The following ROBO1 variants were observed in gnomAD, a reference collection of about 807,000 sequenced individuals.
ROBO1 encodes roundabout homolog 1.
Under a neutral mutation model 195.9 loss-of-function variants are expected in ROBO1, and 149 were observed. The observed-to-expected ratio is 0.76, with a 90% CI of 0.67 to 0.87. ROBO1 has a LOEUF of 0.87. Ranked by LOEUF, ROBO1 falls within the 40% of genes least tolerant of loss-of-function variation. The probability of loss-of-function intolerance (pLI) is 0.00; values close to 1 mark genes in which losing one functional copy is unlikely to be tolerated. For synonymous variants in ROBO1, 816 were observed against 733.2 expected (o/e 1.11, Z -1.82); for missense variants, 1,933 against 2,068.3 (o/e 0.93, Z 1.27).
intron 1 of ROBO1, among the ~76,000 whole-genome samples, chr3:79,749,170 T>A (rs1421275124): frequency 1.3e-5 from 2 of 151,884 alleles, no homozygotes; most frequent in Admixed American, 6.6e-5. Context: ...GAAACTGGAG[T>A]AAGGGTGAAT....
intron 2 of ROBO1, among the ~76,000 whole-genome samples, chr3:79,355,980 A>G (rs1395556867): frequency 6.6e-6 from 1 of 152,328 alleles, no homozygotes; most frequent in East Asian, 1.9e-4. Flanking sequence ...CTTTTTGAGA[A>G]AAGTAGTTCA....
In ROBO1 at chr3:78,599,011, T is replaced by TATA. The variant is rs1247018255; in HGVS notation, c.4942-87_4942-85dup. 1.1e-5 allele frequency: 8 copies of TATA among 746,658 alleles called. No homozygotes were observed. In the Admixed American group the frequency reaches 1.9e-4, roughly 18 times the overall value. The allele number at this position is 746,658 out of a possible 1,614,324, so 46.3% of individuals were successfully genotyped here. On this transcript the variant is annotated intron_variant, in intron 30 of 30. Transcript: ENST00000464233. ...TTTATTTATATGCATTTATTATTAT[T>TATA]ATAATTTAATGTGTCTTTTCATTTA...
intron 2 of ROBO1, among the ~76,000 whole-genome samples, chr3:79,208,270 T>A (rs1467734422): frequency 1.3e-5 from 2 of 152,214 alleles, no homozygotes; most frequent in South Asian, 2.1e-4. Context: ...AAATGCCTGG[T>A]AGACCTCATT....
intron 1 of ROBO1, among the ~76,000 whole-genome samples, chr3:79,658,936 C>T (rs1946249264): frequency 6.6e-6 from 1 of 151,892 alleles, no homozygotes; most frequent in African/African-American, 2.4e-5. Flanking sequence ...GGGGTTTCAC[C>T]ATGTTGGCCA....
intron 8 of ROBO1, among the ~76,000 whole-genome samples, chr3:78,697,251 G>A (rs1385679509): frequency 1.4e-5 from 2 of 140,052 alleles, no homozygotes; most frequent in Non-Finnish European, 3.1e-5. Flanking sequence ...AGGAAGGAAG[G>A]AAATAAAGGA....
intron 4 of ROBO1, among the ~76,000 whole-genome samples, chr3:78,859,878 G>A (rs542808293): frequency 3.3e-3 from 500 of 152,094 alleles, no homozygotes; most frequent in South Asian, 7.1e-3. Flanking sequence ...CAGGAGATCA[G>A]GACCATCCTG....
At chr3:78,679,005 G>T (rs1341929464) in intron 10 of ROBO1, among the ~76,000 whole-genome samples, 12 of 152,188 alleles carry the variant, frequency 7.9e-5, no homozygotes, top group Non-Finnish European at 2.9e-5. Flanking sequence ...TCCCTGGGAT[G>T]CAAGGCTGGT....
intron 1 of ROBO1, among the ~76,000 whole-genome samples, chr3:79,622,433 C>T (rs1945036880): frequency 1.3e-5 from 2 of 152,204 alleles, no homozygotes; most frequent in Non-Finnish European, 2.9e-5. Context: ...ATACACTGAG[C>T]TCCCTGGTCA....
intron 2 of ROBO1, among the ~76,000 whole-genome samples, chr3:79,580,884 TAGTC>T (rs1464623481): frequency 6.6e-6 from 1 of 152,178 alleles, no homozygotes; most frequent in African/African-American, 2.4e-5. Flanking sequence ...CTCATTTTAA[TAGTC>T]AAGAATACTC....
At chr3:78,726,891 TAACAAC>T (rs200244955) in intron 5 of ROBO1, among the ~76,000 whole-genome samples, 1 of 151,992 alleles carries the variant, frequency 6.6e-6, no homozygotes, top group Non-Finnish European at 1.5e-5. Flanking sequence ...ATCAAATTAG[TAACAAC>T]AACAACAACA....
rs543783640 is a variant in ROBO1, at chr3:78,650,901, A to G, written c.2812+831T>C. 3.1e-4 allele frequency among the ~76,000 whole-genome samples: 47 copies of G among 152,268 alleles called. No individual in the cohort carries two copies. In the South Asian group the frequency reaches 5.2e-3, roughly 17 times the overall value. On this transcript the variant is annotated intron_variant, in intron 19 of 30. Coordinates refer to ENST00000464233, the MANE Select transcript of ROBO1 (RefSeq NM_002941.4). ...GACTTACAACCATCTAACCTAATCT[A>G]CAGCCCAGATCTGAGGCCCAGAATT...
chr3:79,338,034 CTATA>C (rs924962540), intron 2 of ROBO1, among the ~76,000 whole-genome samples: 1 of 152,074 alleles, frequency 6.6e-6, no homozygotes, highest in African/African-American at 2.4e-5. Context: ...TCATTGTAAA[CTATA>C]TATAAAGGTC....
intron 24 of ROBO1, among the ~76,000 whole-genome samples, chr3:78,633,200 A>G (rs961215537): frequency 6.6e-6 from 1 of 152,226 alleles, no homozygotes; most frequent in Non-Finnish European, 1.5e-5. Flanking sequence ...GCTAGAGTCA[A>G]GATCAGTCGG....
intron 1 of ROBO1, among the ~76,000 whole-genome samples, chr3:79,655,715 A>G (rs965427678): frequency 4.6e-5 from 7 of 152,092 alleles, no homozygotes; most frequent in South Asian, 2.1e-4. Flanking sequence ...CACTCAAAAT[A>G]TAAGTGTTGA....
chr3:78,715,862 C>T (rs1281837221), intron 7 of ROBO1, among the ~76,000 whole-genome samples: 2 of 152,128 alleles, frequency 1.3e-5, no homozygotes, highest in South Asian at 2.1e-4. Flanking sequence ...CTAAAGGGTA[C>T]ACCTATCTAT....
chr3:79,205,176 T>G (rs2081844504), intron 2 of ROBO1, among the ~76,000 whole-genome samples: 1 of 151,942 alleles, frequency 6.6e-6, no homozygotes, highest in Non-Finnish European at 1.5e-5. Context: ...CTATTTTTAG[T>G]AGTGATGGAG....
At chr3:78,932,158 A>T (rs2039567817) in intron 4 of ROBO1, among the ~76,000 whole-genome samples, 1 of 152,118 alleles carries the variant, frequency 6.6e-6, no homozygotes, top group Non-Finnish European at 1.5e-5. Context: ...TAATAAGCAA[A>T]TTAGGAGGAT....
intron 3 of ROBO1, among the ~76,000 whole-genome samples, chr3:79,077,438 C>T (rs1425051036): frequency 6.6e-6 from 1 of 151,700 alleles, no homozygotes; most frequent in Non-Finnish European, 1.5e-5. Flanking sequence ...TATACACAGA[C>T]ATGTATGTAG....
At chr3:79,479,822 T>C (rs1260109553) in intron 2 of ROBO1, among the ~76,000 whole-genome samples, 1 of 152,168 alleles carries the variant, frequency 6.6e-6, no homozygotes, top group African/African-American at 2.4e-5. Flanking sequence ...TCAACAATAT[T>C]TTAGAACCTG....
Sources: allele counts gnomAD v4.1 joint callset (sites outside exome capture counted in the v4.1 genomes callset), GRCh38; gene constraint gnomAD v4.1.1; transcripts MANE v1.5; gene names NCBI Gene and HGNC (gene_info 2026-07-23, HGNC 2026-07-21).